The following SF1 variants were observed in gnomAD, a reference collection of about 807,000 sequenced individuals.
The protein encoded by SF1 is branch point-binding protein.
SF1 carries 7 observed loss-of-function variants against 62.5 expected under a neutral mutation model. The ratio of observed to expected loss-of-function variants is 0.11; its 90% CI spans 0.06 to 0.21. The LOEUF (loss-of-function observed/expected upper bound fraction) is 0.21. SF1 is among the 10% of genes least tolerant of loss of function. The pLI is 1.00. For synonymous variants in SF1, 394 were observed against 323.6 expected, an observed-to-expected ratio of 1.22 and a Z score of -2.33; for missense variants, 578 against 884.0, an observed-to-expected ratio of 0.65 and a Z score of 4.39.
chr11:64,765,697 A>C lies in SF1; in HGVS notation c.*121T>G. 1 of 1,460,884 alleles carries C rather than the reference A, an allele frequency of 6.8e-7. No homozygotes were observed. The highest frequency in any genetic ancestry group is 9.0e-7 in the Non-Finnish European group (1 of 1,108,374). The allele number at this position is 1,460,884 out of a possible 1,614,324, so 90.5% of individuals were successfully genotyped here. ...CAGCCCAGTGCGTGCACACACACAC[A>C]TGCGTGCACACACAATCACATGCGT... On this transcript the variant is annotated 3_prime_UTR_variant, in exon 13 of 13. Coordinates refer to ENST00000377390, the MANE Select transcript of SF1 (RefSeq NM_004630.4).
At chr11:64,771,779 A>G (rs1411201542) in intron 3 of SF1, 3 of 985,096 alleles carry the variant, frequency 3.0e-6, no homozygotes, top group East Asian at 2.3e-4. Flanking sequence ...CAGCATCAAA[A>G]TAACAATAAA....
At chr11:64,767,497 T>G in intron 10 of SF1, 74 bp downstream of exon 10, 1 of 1,440,254 alleles carries the variant, frequency 6.9e-7, no homozygotes, top group African/African-American at 1.4e-5. Flanking sequence ...GAGCTGCTTC[T>G]AGCCAACAGC....
intron 2 of SF1, among the ~76,000 whole-genome samples, chr11:64,775,684 A>G (rs1939101687): frequency 6.6e-6 from 1 of 152,238 alleles, no homozygotes; most frequent in African/African-American, 2.4e-5. Context: ...ATGTTTATAA[A>G]GTGAACTTTT....
At chr11:64,768,914 C>T (rs1366587299) in intron 8 of SF1, 108 bp downstream of exon 8, 1 of 814,984 alleles carries the variant, frequency 1.2e-6, no homozygotes, top group African/African-American at 1.7e-5. Context: ...ACCACACTAA[C>T]AGAAAGGATG....
At chr11:64,766,694 T>C in intron 12 of SF1, 1 of 463,058 alleles carries the variant, frequency 2.2e-6, no homozygotes, top group Non-Finnish European at 3.8e-6. Flanking sequence ...CACGAACCTC[T>C]CCCCAGACAC....
intron 3 of SF1, 120 bp from the exon 4 acceptor site, chr11:64,770,528 G>T: frequency 9.2e-7 from 1 of 1,090,462 alleles, no homozygotes; most frequent in Non-Finnish European, 1.3e-6. Flanking sequence ...CTCTTCGGAG[G>T]AACCGACCAT....
chr11:64,773,083 C>A (rs1208306520), intron 3 of SF1: 4 of 1,143,190 alleles, frequency 3.5e-6, no homozygotes, highest in African/African-American at 3.4e-5. Flanking sequence ...AAACTCTATG[C>A]CCTGGGCTTT....
chr11:64,766,124 T>C lies in SF1; in HGVS notation c.1614A>G (p.Thr538=). Residue 538 remains threonine (T), a synonymous_variant, in exon 13 of 13, where the codon ACA becomes ACG. Coordinates refer to ENST00000377390, the MANE Select transcript of SF1 (RefSeq NM_004630.4). ...GCTGTTGCCATGGCGGGATGGACCCTGTGCCAGCGCTCGTGGTGGTAGTCG... is the reference window on the plus strand; with the variant it reads ...GCTGTTGCCATGGCGGGATGGACCCCGTGCCAGCGCTCGTGGTGGTAGTCG... ...NTTTTTTSAG[T]GSIPPWQQQQ... 4.4e-6 allele frequency: 7 copies of C among 1,608,926 alleles called. No individual in the cohort carries two copies. The highest frequency in any genetic ancestry group is 5.9e-6 in the Non-Finnish European group (7 of 1,179,712).
chr11:64,770,930 C>T (rs561957967), intron 3 of SF1, among the ~76,000 whole-genome samples: 1 of 152,350 alleles, frequency 6.6e-6, no homozygotes, highest in Admixed American at 6.5e-5. Context: ...ACTGCAGCTA[C>T]TTGGCCCCCA....
In SF1 at chr11:64,768,207, C is replaced by T. The variant is rs767708010; in HGVS notation, c.967G>A (p.Ala323Thr). Residue 323 changes from alanine to threonine, a missense_variant, in exon 9 of 13, where the codon GCA becomes ACA. Ala to Thr is a moderately conservative substitution (Grantham distance 58). Around this residue, in one of 7 missense-constraint regions of SF1, gnomAD observed 45 missense variants for 97.8 expected, o/e 0.46. Transcript: ENST00000377390. ...GAGCCCACAGATGCTGGGACAGGTG[C>T]TTCACCCAGTTCAGCCATGAGGGAC... The part of the protein sequence containing the change: ...YLSLMAELGE[A>T]PVPASVGSTS... 3 of 1,613,902 alleles carry T rather than the reference C, an allele frequency of 1.9e-6. No individual in the cohort carries two copies. In the Admixed American group the frequency reaches 5.0e-5, roughly 27 times the overall value.
intron 3 of SF1, chr11:64,771,326 G>A: frequency 2.2e-6 from 1 of 462,546 alleles, no homozygotes; most frequent in Non-Finnish European, 2.8e-6. Context: ...TACACTCCTA[G>A]AATTTTGAGT....
chr11:64,769,966 G>C lies in SF1; in HGVS notation c.477C>G (p.Pro159=). ...EINFVGLLIG[P]RGNTLKNIEK... ...CCTATAGACCAGCAGTTACTCACCTGGGCCCGATGAGCAGCCCCACAAAGT... is the reference window on the plus strand; with the variant it reads ...CCTATAGACCAGCAGTTACTCACCTCGGCCCGATGAGCAGCCCCACAAAGT... The change falls in exon 5 of 13, where the codon CCC becomes CCG. Residue 159 remains proline (P), a splice_region_variant and synonymous_variant. Coordinates refer to ENST00000377390, the MANE Select transcript of SF1 (RefSeq NM_004630.4). 3 of 1,610,792 alleles carry C rather than the reference G, an allele frequency of 1.9e-6. No individual in the cohort carries two copies. Among genetic ancestry groups the C allele is most frequent in the Non-Finnish European group, 2.5e-6 (3 of 1,176,970 alleles).
chr11:64,773,586 C>G (rs780038743), intron 2 of SF1, 81 bp from the exon 3 acceptor site: 2 of 1,484,150 alleles, frequency 1.3e-6, no homozygotes, highest in Non-Finnish European at 1.8e-6. Context: ...ATCTCAACAA[C>G]AAGCATGAAG....
At chr11:64,771,200 A>G (rs1047919816) in intron 3 of SF1, among the ~76,000 whole-genome samples, 2 of 152,194 alleles carry the variant, frequency 1.3e-5, no homozygotes, top group Non-Finnish European at 2.9e-5. Context: ...CAGAAAGCAG[A>G]TTTTCTCTCT....
intron 8 of SF1, among the ~76,000 whole-genome samples, chr11:64,768,666 A>G (rs1349784764): frequency 6.6e-6 from 1 of 152,266 alleles, no homozygotes; most frequent in African/African-American, 2.4e-5. Context: ...CATATTCGCC[A>G]GCCAGTCAGA....
At chr11:64,766,198 A>T in intron 12 of SF1, 43 bp from the exon 13 acceptor site, 1 of 1,503,038 alleles carries the variant, frequency 6.7e-7, no homozygotes, top group Non-Finnish European at 9.1e-7. Flanking sequence ...GCGGGGGCAC[A>T]CCGCGGCTGT....
At chr11:64,776,055 C>A in intron 2 of SF1, 1 of 157,102 alleles carries the variant, frequency 6.4e-6, no homozygotes, top group Non-Finnish European at 1.4e-5. Context: ...TCAGAAAGTA[C>A]CTATAAAAAG....
At chr11:64,778,025 C>CGCGGCGGCTGGGGTG (rs920106428) in intron 1 of SF1, 76 of 1,006,956 alleles carry the variant, frequency 7.5e-5, no homozygotes, top group East Asian at 1.0e-4. Context: ...CTGGTCCTTA[C>CGCGGCGGCTGGGGTG]GCGGCGGCTG....
At chr11:64,778,306 C>A in intron 1 of SF1, 56 bp downstream of exon 1, 1 of 1,221,780 alleles carries the variant, frequency 8.2e-7, no homozygotes, top group Non-Finnish European at 1.0e-6. Context: ...GAGGGCCCGG[C>A]TCGAAGCCTC....
Sources: gnomAD v4.1 joint callset for allele counts (sites outside exome capture counted in the v4.1 genomes callset) on GRCh38, gnomAD v4.1.1 for gene constraint, gnomAD v4.1.1 regional missense constraint, MANE v1.5 for transcripts, NCBI Gene and HGNC (gene_info 2026-07-23, HGNC 2026-07-21) for gene names.